LRMDA: variants seen among roughly 807,000 people sequenced by gnomAD.
The protein encoded by LRMDA is leucine-rich melanocyte differentiation-associated protein.
Under a neutral mutation model 29.8 loss-of-function variants are expected in LRMDA, and 18 were observed. That is an observed-to-expected ratio of 0.60 (90% CI 0.42 to 0.90). LRMDA has a LOEUF of 0.90. LRMDA is among the 40% of genes least tolerant of loss of function. LRMDA has a pLI of 0.00. For missense variants in LRMDA, 273 were observed against 273.9 expected, an observed-to-expected ratio of 1.00 and a Z score of 0.02; for synonymous variants, 125 against 109.4, an observed-to-expected ratio of 1.14 and a Z score of -0.89.
chr10:76,509,289 G>A (rs990229832), intron 6 of LRMDA, among the ~76,000 whole-genome samples: 12 of 152,058 alleles, frequency 7.9e-5, no homozygotes, highest in African/African-American at 2.7e-4. Context: ...ATAGAATTTA[G>A]GCAGACACTA....
At chr10:76,220,773 A>G (rs1851816964) in intron 5 of LRMDA, among the ~76,000 whole-genome samples, 9 of 152,220 alleles carry the variant, frequency 5.9e-5, no homozygotes, top group Admixed American at 5.2e-4. Context: ...TCATTTTATG[A>G]GGCCAGCATC....
intron 6 of LRMDA, among the ~76,000 whole-genome samples, chr10:76,520,040 C>T (rs1309247252): frequency 6.6e-6 from 1 of 152,090 alleles, no homozygotes; most frequent in Non-Finnish European, 1.5e-5. Context: ...TTGTATATCC[C>T]TAGAGATTGG....
At chr10:75,585,414 C>T (rs1840644495) in intron 2 of LRMDA, among the ~76,000 whole-genome samples, 1 of 152,104 alleles carries the variant, frequency 6.6e-6, no homozygotes, top group Non-Finnish European at 1.5e-5. Flanking sequence ...GGGTTGTTTG[C>T]AGTTTTTGGT....
chr10:76,144,573 C>G (rs1379030702), intron 5 of LRMDA, among the ~76,000 whole-genome samples: 5 of 152,158 alleles, frequency 3.3e-5, no homozygotes, highest in Non-Finnish European at 7.3e-5. Context: ...AGTTGTTTAT[C>G]AGCTTGAGGA....
At chr10:75,898,473 G>A (rs575316204) in intron 2 of LRMDA, among the ~76,000 whole-genome samples, 1 of 152,252 alleles carries the variant, frequency 6.6e-6, no homozygotes, top group Non-Finnish European at 1.5e-5. Flanking sequence ...ACTTGTTCCT[G>A]ATGCAAAGTC....
intron 5 of LRMDA, among the ~76,000 whole-genome samples, chr10:76,227,225 T>C (rs1310379802): frequency 6.6e-6 from 1 of 152,230 alleles, no homozygotes; most frequent in Non-Finnish European, 1.5e-5. Context: ...TGTTCCTCCT[T>C]GGATTCAAAG....
At chr10:76,271,098 A>G (rs185566506) in intron 5 of LRMDA, among the ~76,000 whole-genome samples, 5 of 152,332 alleles carry the variant, frequency 3.3e-5, no homozygotes, top group African/African-American at 1.2e-4. Context: ...CAGTTTTACT[A>G]CAGATCCATA....
intron 6 of LRMDA, among the ~76,000 whole-genome samples, chr10:76,337,347 A>G (rs1840982160): frequency 6.6e-6 from 1 of 151,840 alleles, no homozygotes; most frequent in African/African-American, 2.4e-5. Context: ...CTAAGATGAA[A>G]ACGACAGCAG....
At chr10:75,869,053 A>G (rs1480557988) in intron 2 of LRMDA, among the ~76,000 whole-genome samples, 1 of 152,194 alleles carries the variant, frequency 6.6e-6, no homozygotes, top group Non-Finnish European at 1.5e-5. Context: ...AATGTTGCCC[A>G]ATGGGAGAAG....
chr10:76,401,883 G>A (rs1055321554), intron 6 of LRMDA, among the ~76,000 whole-genome samples: 1 of 152,122 alleles, frequency 6.6e-6, no homozygotes, highest in East Asian at 1.9e-4. Context: ...TGGAAATTAT[G>A]TAGCTGGCCC....
At chr10:76,547,028 C>A (rs1843428053) in intron 6 of LRMDA, among the ~76,000 whole-genome samples, 1 of 152,094 alleles carries the variant, frequency 6.6e-6, no homozygotes, top group Non-Finnish European at 1.5e-5. Context: ...AGAGGGAAGA[C>A]AATGCTAGGT....
intron 5 of LRMDA, among the ~76,000 whole-genome samples, chr10:76,277,626 T>C (rs1840151613): frequency 6.6e-6 from 1 of 152,214 alleles, no homozygotes; most frequent in African/African-American, 2.4e-5. Flanking sequence ...AATTTTTTGC[T>C]GTGCTGTTTG....
intron 6 of LRMDA, among the ~76,000 whole-genome samples, chr10:76,443,105 A>G (rs1267038078): frequency 1.3e-5 from 2 of 152,208 alleles, no homozygotes; most frequent in East Asian, 3.9e-4. Context: ...TTCCTAGCAC[A>G]GTGTTTCTTC....
At position 75,931,792 on chromosome 10, in the gene LRMDA, A is replaced by G. The variant is rs376450682; in HGVS notation, c.132-104216A>G. Reference sequence around the variant, plus strand: ...TTCTCTTGCTGGGGAAGTCCTGTCCATGGAGCCGGCTTTACCAGCTGTGCA... The same window carrying G: ...TTCTCTTGCTGGGGAAGTCCTGTCCGTGGAGCCGGCTTTACCAGCTGTGCA... On this transcript the variant is annotated intron_variant, in intron 2 of 6. Transcript: ENST00000611255. Among the ~76,000 whole-genome samples, 201 of 152,268 alleles carry G rather than the reference A, an allele frequency of 1.3e-3. 1 individual carries two copies. The South Asian group carries it at 0.04, about 30-fold the overall frequency.
At chr10:76,056,706 T>G (rs574898655) in intron 4 of LRMDA, among the ~76,000 whole-genome samples, 2 of 152,172 alleles carry the variant, frequency 1.3e-5, no homozygotes, top group South Asian at 4.2e-4. Flanking sequence ...AAAATTGGAG[T>G]GGGCATTGGG....
intron 2 of LRMDA, among the ~76,000 whole-genome samples, chr10:75,871,369 G>A (rs1311775226): frequency 6.6e-6 from 1 of 152,180 alleles, no homozygotes; most frequent in Non-Finnish European, 1.5e-5. Flanking sequence ...GCCTGCAAGT[G>A]CAATTGAGCC....
intron 2 of LRMDA, among the ~76,000 whole-genome samples, chr10:75,965,604 A>C (rs548677301): frequency 5.9e-5 from 9 of 152,082 alleles, no homozygotes; most frequent in Non-Finnish European, 8.8e-5. Context: ...AGAAAAAAAA[A>C]CCAAAACTCT....
chr10:76,126,094 A>C (rs1277616337), intron 5 of LRMDA, among the ~76,000 whole-genome samples: 1 of 152,218 alleles, frequency 6.6e-6, no homozygotes, highest in African/African-American at 2.4e-5. Flanking sequence ...TGCAGGTTGA[A>C]GAGAGAGGGG....
At chr10:75,651,816 G>A (rs1301815164) in intron 2 of LRMDA, among the ~76,000 whole-genome samples, 1 of 152,110 alleles carries the variant, frequency 6.6e-6, no homozygotes, top group East Asian at 1.9e-4. Context: ...ACATTGTATA[G>A]GGTTTTGATG....
Sources: allele counts gnomAD v4.1 joint callset (sites outside exome capture counted in the v4.1 genomes callset), GRCh38; gene constraint gnomAD v4.1.1; transcripts MANE v1.5; gene names NCBI Gene and HGNC (gene_info 2026-07-23, HGNC 2026-07-21).